GPC5: variants seen among roughly 807,000 people sequenced by gnomAD.
The protein encoded by GPC5 is glypican-5.
GPC5 carries 47 observed loss-of-function variants against 53.9 expected under a neutral mutation model. That is an observed-to-expected ratio of 0.87 (90% CI 0.69 to 1.11). GPC5 has a LOEUF of 1.11. Among genes scored for constraint, GPC5 ranks in the 50% most tolerant of loss-of-function variants. The pLI is 0.00. For synonymous variants in GPC5, 286 were observed against 263.3 expected, an observed-to-expected ratio of 1.09 and a Z score of -0.84; for missense variants, 748 against 713.1, an observed-to-expected ratio of 1.05 and a Z score of -0.56.
chr13:92,714,072 T>C (rs1041428154), intron 7 of GPC5, among the ~76,000 whole-genome samples: 3 of 152,192 alleles, frequency 2.0e-5, no homozygotes, highest in Non-Finnish European at 2.9e-5. Flanking sequence ...ATTCCTGTTG[T>C]TTGTCACGTA....
intron 7 of GPC5, among the ~76,000 whole-genome samples, chr13:92,181,765 C>T (rs948296432): frequency 1.3e-5 from 2 of 152,116 alleles, no homozygotes. Context: ...AATGGGAAAT[C>T]ATGCAATGAA....
At chr13:91,536,560 G>A (rs1886600200) in intron 2 of GPC5, among the ~76,000 whole-genome samples, 1 of 152,280 alleles carries the variant, frequency 6.6e-6, no homozygotes, top group Admixed American at 6.5e-5. Flanking sequence ...CAAAACCAAG[G>A]TGTCAGCAGG....
chr13:92,424,558 T>C (rs938331001), intron 7 of GPC5, among the ~76,000 whole-genome samples: 1 of 152,110 alleles, frequency 6.6e-6, no homozygotes, highest in African/African-American at 2.4e-5. Flanking sequence ...AGGTTCATCA[T>C]ATTATTAAGA....
chr13:92,331,505 C>T (rs2043287777), intron 7 of GPC5, among the ~76,000 whole-genome samples: 1 of 151,966 alleles, frequency 6.6e-6, no homozygotes, highest in African/African-American at 2.4e-5. Flanking sequence ...AATTATAAAG[C>T]AAAATAGCAG....
chr13:92,399,524 G>A (rs549099035), intron 7 of GPC5, among the ~76,000 whole-genome samples: 1 of 152,110 alleles, frequency 6.6e-6, no homozygotes, highest in Non-Finnish European at 1.5e-5. Context: ...GCCACCTCAC[G>A]CCTTAACACA....
intron 5 of GPC5, among the ~76,000 whole-genome samples, chr13:91,771,105 A>G (rs1307527569): frequency 6.6e-6 from 1 of 152,200 alleles, no homozygotes; most frequent in Admixed American, 6.5e-5. Context: ...AAATGAATGA[A>G]TACTTCCTCA....
chr13:91,752,383 C>T (rs1193437238), intron 4 of GPC5, among the ~76,000 whole-genome samples: 1 of 152,106 alleles, frequency 6.6e-6, no homozygotes, highest in Non-Finnish European at 1.5e-5. Context: ...CCACGCCTGG[C>T]CCCTGATTAT....
At chr13:91,721,073 CTTTCTTTCTTTCTTTCTTT>C (rs2036455413) in intron 3 of GPC5, among the ~76,000 whole-genome samples, 1 of 2,770 alleles carries the variant, frequency 3.6e-4, no homozygotes, top group Non-Finnish European at 9.3e-4. Flanking sequence ...CCCTTTCTTT[CTTTCTTTCTTTCTTTCTTT>C]CTTTCTTTCT....
At chr13:91,774,258 T>C (rs2037673004) in intron 5 of GPC5, among the ~76,000 whole-genome samples, 1 of 152,212 alleles carries the variant, frequency 6.6e-6, no homozygotes, top group African/African-American at 2.4e-5. Flanking sequence ...AGATGATTTT[T>C]AACTGCATAC....
intron 7 of GPC5, among the ~76,000 whole-genome samples, chr13:92,768,653 T>C (rs1183962729): frequency 1.3e-5 from 2 of 152,042 alleles, no homozygotes; most frequent in Non-Finnish European, 2.9e-5. Flanking sequence ...ACTCCTTCCT[T>C]TCTGTTATTT....
chr13:91,704,569 C>T (rs533963654), intron 3 of GPC5, among the ~76,000 whole-genome samples: 3 of 152,330 alleles, frequency 2.0e-5, no homozygotes, highest in Admixed American at 2.0e-4. Context: ...ATTGCCAGAA[C>T]TCCATGGCCA....
intron 2 of GPC5, among the ~76,000 whole-genome samples, chr13:91,597,491 TTA>T (rs1454682349): frequency 2.6e-5 from 4 of 152,164 alleles, no homozygotes; most frequent in Non-Finnish European, 5.9e-5. Flanking sequence ...CAACCTCAGT[TTA>T]TGTCAGCACC....
chr13:91,650,772 T>TTTTTTTTTTTTTTTTTTTTTTTTGG, intron 2 of GPC5, among the ~76,000 whole-genome samples: 1 of 127,104 alleles, frequency 7.9e-6, no homozygotes, highest in South Asian at 2.5e-4. Context: ...TTTTTTTTTT[T>TTTTTTTTTTTTTTTTTTTTTTTTGG]AGCACAGAAG....
chr13:92,073,344 C>T (rs1190532261), intron 6 of GPC5, among the ~76,000 whole-genome samples: 4 of 152,172 alleles, frequency 2.6e-5, no homozygotes, highest in African/African-American at 9.7e-5. Context: ...TCTAATTGAA[C>T]CCAATAAGCT....
At chr13:91,550,561 T>C (rs1174945227) in intron 2 of GPC5, among the ~76,000 whole-genome samples, 1 of 152,152 alleles carries the variant, frequency 6.6e-6, no homozygotes, top group Non-Finnish European at 1.5e-5. Context: ...CATTTACTCA[T>C]TAATTGTTGA....
At chr13:92,623,113 C>T (rs201092336) in intron 7 of GPC5, among the ~76,000 whole-genome samples, 1 of 151,262 alleles carries the variant, frequency 6.6e-6, no homozygotes, top group East Asian at 1.9e-4. Flanking sequence ...TTGCAGTGAG[C>T]TGAGATTGCA....
intron 7 of GPC5, among the ~76,000 whole-genome samples, chr13:92,792,015 C>T (rs2095240130): frequency 6.6e-6 from 1 of 152,034 alleles, no homozygotes; most frequent in African/African-American, 2.4e-5. Flanking sequence ...GAATAGAAAG[C>T]TCTCACCTGG....
At chr13:91,930,542 A>G (rs2039811415) in intron 6 of GPC5, among the ~76,000 whole-genome samples, 1 of 152,046 alleles carries the variant, frequency 6.6e-6, no homozygotes, top group Non-Finnish European at 1.5e-5. Flanking sequence ...CTTTTCTATT[A>G]GGTGGAACCA....
intron 3 of GPC5, among the ~76,000 whole-genome samples, chr13:91,707,149 T>C (rs1055449113): frequency 1.3e-5 from 2 of 151,966 alleles, no homozygotes; most frequent in Non-Finnish European, 2.9e-5. Flanking sequence ...CTCTTACAAC[T>C]CATCAATTAA....
Sources: gnomAD v4.1 joint callset for allele counts (sites outside exome capture counted in the v4.1 genomes callset) on GRCh38, gnomAD v4.1.1 for gene constraint, MANE v1.5 for transcripts, NCBI Gene and HGNC (gene_info 2026-07-23, HGNC 2026-07-21) for gene names.